MRAS: variants seen among roughly 807,000 people sequenced by gnomAD.
MRAS encodes the protein muscle RAS oncogene homolog, also known as ras-related protein M-Ras.
A neutral mutation model predicts 20.9 loss-of-function variants in MRAS; 4 were observed. The observed-to-expected ratio is 0.19, with a 90% CI of 0.09 to 0.44. MRAS has a LOEUF of 0.44. MRAS is among the 20% of genes least tolerant of loss of function. The pLI is 0.99. For synonymous variants in MRAS, 98 were observed against 102.9 expected (o/e 0.95, Z 0.29); for missense variants, 154 against 277.5 (o/e 0.56, Z 3.16).
rs1937292354 is a variant in MRAS, at chr3:138,365,219, G to A, written c.-18-7647G>A. Among the ~76,000 whole-genome samples the A allele has an allele frequency of 2.0e-5, 3 of 152,328 alleles. No homozygotes were observed. The South Asian group carries it at 6.2e-4, about 32-fold the overall frequency. On this transcript the variant is annotated intron_variant, in intron 1 of 5. Coordinates refer to ENST00000423968, the MANE Select transcript of MRAS (RefSeq NM_001085049.3). ...ATATTCCAACAGCATCTGACACATT[G>A]TTTACCTTAAATGTTCCTATTGCTT...
chr3:138,387,370 C>T (rs542118823), intron 2 of MRAS, among the ~76,000 whole-genome samples: 16 of 152,308 alleles, frequency 1.1e-4, no homozygotes, highest in African/African-American at 2.9e-4. Context: ...CTGTCCTCAC[C>T]CCTCCTTTTA....
chr3:138,376,259 T>G (rs2054781280), intron 2 of MRAS, among the ~76,000 whole-genome samples: 1 of 152,180 alleles, frequency 6.6e-6, no homozygotes, highest in Non-Finnish European at 1.5e-5. Flanking sequence ...AGCTCAAATG[T>G]CACTTTATCT....
At position 138,404,734 on chromosome 3, in the gene MRAS, G is replaced by A. The variant is rs537174752; in HGVS notation, c.*2465G>A. On this transcript the variant is annotated 3_prime_UTR_variant, in exon 6 of 6. Transcript: ENST00000423968. ...TCATGACTGAGGTAGCTTCCAGATA[G>A]GCCAGAGTAGAGTGTAGAGTGTGCC... 15 of 152,290 alleles carry A rather than the reference G, an allele frequency of 9.8e-5. No individual in the cohort carries two copies. In the South Asian group the frequency reaches 3.1e-3, roughly 32 times the overall value. The allele number at this position is 152,290 out of a possible 1,614,324, so 9.4% of individuals were successfully genotyped here. A position where few individuals can be genotyped will look rare whatever the true frequency, so the allele number is the denominator to read the frequency against.
chr3:138,356,125 A>C (rs979249302), intron 1 of MRAS, among the ~76,000 whole-genome samples: 1 of 152,224 alleles, frequency 6.6e-6, no homozygotes, highest in African/African-American at 2.4e-5. Flanking sequence ...TTATGTGGAA[A>C]TCCACATATG....
intron 4 of MRAS, chr3:138,400,072 C>T (rs924658018): frequency 1.9e-5 from 3 of 155,996 alleles, no homozygotes; most frequent in Non-Finnish European, 4.2e-5. Context: ...CCGACGGGGC[C>T]AGGGTCACCT....
At chr3:138,399,411 G>C (rs1201493487) in intron 4 of MRAS, among the ~76,000 whole-genome samples, 3 of 152,196 alleles carry the variant, frequency 2.0e-5, no homozygotes, top group African/African-American at 4.8e-5. Flanking sequence ...TGCGCTTTGT[G>C]TGTCTGTTGG....
At chr3:138,400,656 G>C (rs1220456901) in intron 5 of MRAS, 43 bp downstream of exon 5, 1 of 1,531,812 alleles carries the variant, frequency 6.5e-7, no homozygotes, top group African/African-American at 1.4e-5. Flanking sequence ...CCACAGCATG[G>C]GTTGGCTCCT....
intron 1 of MRAS, among the ~76,000 whole-genome samples, chr3:138,356,352 G>C (rs1333448730): frequency 6.6e-6 from 1 of 152,138 alleles, no homozygotes; most frequent in East Asian, 1.9e-4. Flanking sequence ...GGGGGGTGTT[G>C]GCGGCAGATT....
chr3:138,399,054 A>G (rs942690126), intron 4 of MRAS, among the ~76,000 whole-genome samples: 2 of 152,248 alleles, frequency 1.3e-5, no homozygotes, highest in African/African-American at 2.4e-5. Flanking sequence ...GGCATCTGCC[A>G]TGGCCGGATT....
rs549382117 is a variant in MRAS at position 138,355,301 on chromosome 3, A to G, written c.-19+6534A>G. ...CTGCAGTTAGAAGCTCTCCATGACG[A>G]CAGGACGCAGCTTCTCACCCAACTG... On this transcript the variant is annotated intron_variant, in intron 1 of 5. Transcript: ENST00000423968. Among the ~76,000 whole-genome samples, 3 of 152,322 alleles carry G rather than the reference A, an allele frequency of 2.0e-5. No homozygotes were observed. The East Asian group carries it at 5.8e-4, about 29-fold the overall frequency.
chr3:138,381,191 G>A (rs981435613), intron 2 of MRAS, among the ~76,000 whole-genome samples: 13 of 152,350 alleles, frequency 8.5e-5, no homozygotes, highest in African/African-American at 2.9e-4. Context: ...TATGAATAAC[G>A]CTGCTATGAG....
At position 138,397,494 on chromosome 3, in the gene MRAS, G is replaced by A. The variant is rs2055264522; in HGVS notation, c.347+17G>A. The A allele has an allele frequency of 6.2e-7, 1 of 1,613,734 alleles. No homozygotes were observed. The highest frequency in any genetic ancestry group is 8.5e-7 in the Non-Finnish European group (1 of 1,179,812). ...CAAAGACAGGTGAGCATCAAAGACA[G>A]GTGAGAGTACCGGGAAGAGGCCTGC... On this transcript the variant is annotated intron_variant, in intron 3 of 5. Coordinates refer to ENST00000423968, the MANE Select transcript of MRAS (RefSeq NM_001085049.3).
intron 4 of MRAS, among the ~76,000 whole-genome samples, chr3:138,399,507 A>G (rs1424643054): frequency 6.7e-6 from 1 of 149,180 alleles, no homozygotes; most frequent in Non-Finnish European, 1.5e-5. Flanking sequence ...GCAATGATTT[A>G]CAATCTACTC....
intron 2 of MRAS, among the ~76,000 whole-genome samples, chr3:138,390,709 C>A (rs139782629): frequency 1.3e-5 from 2 of 152,208 alleles, no homozygotes; most frequent in Non-Finnish European, 2.9e-5. Flanking sequence ...GTGGGCTAGT[C>A]CCACTTGGGA....
intron 1 of MRAS, among the ~76,000 whole-genome samples, chr3:138,368,005 A>C (rs543776396): frequency 7.2e-5 from 11 of 152,364 alleles, no homozygotes; most frequent in Middle Eastern, 3.4e-3. Context: ...TTGGGTTGCC[A>C]TGCAGCCTGT....
intron 2 of MRAS, among the ~76,000 whole-genome samples, chr3:138,373,835 C>T (rs2054723918): frequency 6.6e-6 from 1 of 152,128 alleles, no homozygotes; most frequent in Non-Finnish European, 1.5e-5. Context: ...GATATTTTAA[C>T]AATGTTGAGG....
At chr3:138,361,416 C>G (rs2054444924) in intron 1 of MRAS, among the ~76,000 whole-genome samples, 1 of 152,128 alleles carries the variant, frequency 6.6e-6, no homozygotes, top group African/African-American at 2.4e-5. Context: ...GGTGGTTGCT[C>G]AGGCCGGGGG....
intron 1 of MRAS, among the ~76,000 whole-genome samples, chr3:138,362,477 TC>T (rs1049972886): frequency 2.6e-5 from 4 of 152,100 alleles, no homozygotes; most frequent in African/African-American, 9.7e-5. Context: ...CCCATCCCCT[TC>T]CCCTCCTCTG....
chr3:138,397,541 CTCTCTCTCTCTTTCTCTT>C lies in MRAS; in HGVS notation c.347+76_347+93del, dbSNP rs536624794. 6,506 of 1,569,302 alleles carry C rather than the reference CTCTCTCTCTCTTTCTCTT, an allele frequency of 4.1e-3. 9 individuals are homozygous for C. Among genetic ancestry groups the C allele is most frequent in the Non-Finnish European group, 4.9e-3 (5,641 of 1,150,656 alleles). On this transcript the variant is annotated intron_variant, in intron 3 of 5. Coordinates refer to ENST00000423968, the MANE Select transcript of MRAS (RefSeq NM_001085049.3). ...CTGCGCCTGCCTCCTAGGGCGCTCTCTCTCTCTCTCTTTCTCTTTCTCTCTCTCTCACCCCTAATTAAA... is the reference window on the plus strand; with the variant it reads ...CTGCGCCTGCCTCCTAGGGCGCTCTCTCTCTCTCTCTCACCCCTAATTAAA...
Sources: gnomAD v4.1 joint callset for allele counts (sites outside exome capture counted in the v4.1 genomes callset) on GRCh38, gnomAD v4.1.1 for gene constraint, MANE v1.5 for transcripts, NCBI Gene and HGNC (gene_info 2026-07-23, HGNC 2026-07-21) for gene names.